The following STKLD1 variants were observed in gnomAD, a reference collection of about 807,000 sequenced individuals.
STKLD1 encodes serine/threonine kinase-like domain-containing protein STKLD1.
Under a neutral mutation model 80.4 loss-of-function variants are expected in STKLD1, and 79 were observed. The observed-to-expected ratio is 0.98, with a 90% CI of 0.82 to 1.19. The LOEUF (loss-of-function observed/expected upper bound fraction) is 1.19. Among genes scored for constraint, STKLD1 ranks in the 50% most tolerant of loss-of-function variants. STKLD1 has a pLI of 0.00. For synonymous variants in STKLD1, 393 were observed against 357.6 expected (o/e 1.10, Z -1.12); for missense variants, 841 against 856.0 (o/e 0.98, Z 0.22).
At chr9:133,381,702 G>T (rs2130266884) in intron 2 of STKLD1, among the ~76,000 whole-genome samples, 5 of 152,064 alleles carry the variant, frequency 3.3e-5, no homozygotes, top group African/African-American at 4.8e-5. Flanking sequence ...CGCCTGCCTC[G>T]GCCTCCCTAA....
At chr9:133,376,931 T>A (rs1400911546) in intron 1 of STKLD1, among the ~76,000 whole-genome samples, 1 of 152,162 alleles carries the variant, frequency 6.6e-6, no homozygotes, top group African/African-American at 2.4e-5. Context: ...CCCTGCAGCG[T>A]GGGTCTGTGA....
In STKLD1 at chr9:133,400,459, G is replaced by T. The variant is rs781905200; in HGVS notation, c.1128G>T (p.Met376Ile). The T allele has an allele frequency of 6.2e-6, 10 of 1,613,454 alleles. No homozygotes were observed. Among genetic ancestry groups the T allele is most frequent in the East Asian group, 2.2e-5 (1 of 44,884 alleles). ...PELVEVVVTT[M>I]ELHDRVLDVQ... ...TGGTGGAGGTGGTGGTCACGACCAT[G>T]GAGCTACATGACAGGGTCCTCGATG... is the stretch of plus-strand genomic sequence containing the variant. Residue 376 changes from methionine to isoleucine, a missense_variant, in exon 12 of 18, where the codon ATG becomes ATT. Transcript: ENST00000371957.
rs932715380 is a variant in STKLD1 at position 133,390,043 on chromosome 9, A to G, written c.467+447A>G. On this transcript the variant is annotated intron_variant, in intron 6 of 17. Coordinates refer to ENST00000371957, the MANE Select transcript of STKLD1 (RefSeq NM_153710.5). The surrounding 1 kb of genome is among the most constrained non-coding windows in gnomAD (Gnocchi z 5.1). The stretch of plus-strand genomic sequence containing the variant: ...ACCAATATCTTATTTAAAGAGGAAG[A>G]GGGAAACTATGCAGCTGGGCGTGGT... 1.3e-5 allele frequency among the ~76,000 whole-genome samples: 2 copies of G among 152,130 alleles called. No individual in the cohort carries two copies. The highest frequency in any genetic ancestry group is 4.8e-5 in the African/African-American group (2 of 41,414).
At chr9:133,381,673 C>T (rs1469476360) in intron 2 of STKLD1, among the ~76,000 whole-genome samples, 2 of 152,026 alleles carry the variant, frequency 1.3e-5, no homozygotes, top group African/African-American at 4.8e-5. Context: ...TGGTCTCGAA[C>T]TCCCAACCTC....
At chr9:133,404,444 C>T (rs888922208) in intron 16 of STKLD1, among the ~76,000 whole-genome samples, 6 of 152,210 alleles carry the variant, frequency 3.9e-5, no homozygotes, top group Non-Finnish European at 7.3e-5. Context: ...AACCGACGCT[C>T]GGCCCACAGC....
intron 4 of STKLD1, among the ~76,000 whole-genome samples, chr9:133,386,519 C>T (rs963609739): frequency 6.6e-6 from 1 of 152,250 alleles, no homozygotes; most frequent in African/African-American, 2.4e-5. Context: ...TGACCAGCAC[C>T]ACATCCGTCA....
rs2130276223 is a variant in STKLD1 at position 133,385,957 on chromosome 9, C to A, written c.294+266C>A. 1.3e-5 allele frequency among the ~76,000 whole-genome samples: 2 copies of A among 151,490 alleles called. No homozygotes were observed. The highest frequency in any genetic ancestry group is 2.1e-4 in the South Asian group (1 of 4,806). On this transcript the variant is annotated intron_variant, in intron 4 of 17. Coordinates refer to ENST00000371957, the MANE Select transcript of STKLD1 (RefSeq NM_153710.5). This position sits in a 1 kb window ranked among gnomAD's most constrained non-coding sequence, Gnocchi z 4.9. ...TTTTTGGACAAAGTCTCGCTCTTGT[C>A]CCCCAGGCTGGAGTGTAATGGTGTG... is the stretch of plus-strand genomic sequence containing the variant.
intron 11 of STKLD1, among the ~76,000 whole-genome samples, chr9:133,398,928 C>T (rs1216225740): frequency 6.6e-6 from 1 of 152,190 alleles, no homozygotes; most frequent in Non-Finnish European, 1.5e-5. Context: ...TCTTGGCTCA[C>T]TGCAACCTCC....
intron 2 of STKLD1, among the ~76,000 whole-genome samples, 179 bp from the exon 3 acceptor site, chr9:133,383,674 ATGG>A (rs1184820891): frequency 1.3e-5 from 2 of 151,014 alleles, no homozygotes; most frequent in African/African-American, 4.9e-5. Flanking sequence ...GATGATGGTG[ATGG>A]TGATGATGGT....
At chr9:133,405,210 A>C in intron 17 of STKLD1, 42 bp from the exon 18 acceptor site, 9 of 1,553,084 alleles carry the variant, frequency 5.8e-6, no homozygotes, top group Non-Finnish European at 7.0e-6. Flanking sequence ...CAAGGGGCAC[A>C]GGAAGGACTC....
In STKLD1 at chr9:133,387,445, A is replaced by G; in HGVS notation, c.295-2A>G. On this transcript the variant is annotated splice_acceptor_variant, in intron 4 of 17. Coordinates refer to ENST00000371957, the MANE Select transcript of STKLD1 (RefSeq NM_153710.5). LOFTEE classifies it high-confidence loss of function. ...TTGGCTAAGGGCCTCCTGTCCCAGC[A>G]GATCTCTTCTCTGTACCTCTGCCTG... 1 of 1,613,600 alleles carries G rather than the reference A, an allele frequency of 6.2e-7. No homozygotes were observed. The highest frequency in any genetic ancestry group is 1.7e-5 in the Admixed American group (1 of 60,014).
intron 2 of STKLD1, among the ~76,000 whole-genome samples, chr9:133,380,566 T>C (rs1290277226): frequency 6.6e-6 from 1 of 152,202 alleles, no homozygotes; most frequent in East Asian, 2.0e-4. Flanking sequence ...CGCGGGAGAA[T>C]TGCTTGAACC....
At chr9:133,380,584 C>T (rs187431132) in intron 2 of STKLD1, among the ~76,000 whole-genome samples, 4 of 152,104 alleles carry the variant, frequency 2.6e-5, no homozygotes, top group Admixed American at 1.3e-4. Context: ...ACCCGGGCGG[C>T]GGAGGTTGCA....
rs1838339541 is a variant in STKLD1, at chr9:133,389,651, A to G, written c.467+55A>G. The G allele has an allele frequency of 2.5e-6, 4 of 1,606,700 alleles. No homozygotes were observed. The highest frequency in any genetic ancestry group is 3.4e-6 in the Non-Finnish European group (4 of 1,176,208). ...GGCTGGCTGCTTCGGGAGAAAAGGC[A>G]CTGAGGCCACTCGGGTGCCAGTGCC... On this transcript the variant is annotated intron_variant, in intron 6 of 17. Coordinates refer to ENST00000371957, the MANE Select transcript of STKLD1 (RefSeq NM_153710.5). This position sits in a 1 kb window ranked among gnomAD's most constrained non-coding sequence, Gnocchi z 6.4.
In STKLD1 at chr9:133,397,961, T is replaced by C; in HGVS notation, c.998-11T>C. On this transcript the variant is annotated splice_polypyrimidine_tract_variant and intron_variant, in intron 10 of 17. Coordinates refer to ENST00000371957, the MANE Select transcript of STKLD1 (RefSeq NM_153710.5). ...CAGAAAGGTCCCTCCCCTGCCTTCC[T>C]GTCCCTGCAGAGGTCATGCAGAAAT... 2 of 1,609,702 alleles carry C rather than the reference T, an allele frequency of 1.2e-6. No homozygotes were observed. The highest frequency in any genetic ancestry group is 8.5e-7 in the Non-Finnish European group (1 of 1,177,090).
chr9:133,394,258 G>A lies in STKLD1; in HGVS notation c.584-33G>A, dbSNP rs115216003. 94 of 1,463,678 alleles carry A rather than the reference G, an allele frequency of 6.4e-5. No individual in the cohort carries two copies. In the African/African-American group the frequency reaches 1.1e-3, roughly 17 times the overall value. The allele number at this position is 1,463,678 out of a possible 1,614,324, so 90.7% of individuals were successfully genotyped here. A position where few individuals can be genotyped will look rare whatever the true frequency, so the allele number is the denominator to read the frequency against. On this transcript the variant is annotated intron_variant, in intron 7 of 17. Coordinates refer to ENST00000371957, the MANE Select transcript of STKLD1 (RefSeq NM_153710.5). The surrounding 1 kb of genome is among the most constrained non-coding windows in gnomAD (Gnocchi z 4.9). The stretch of plus-strand genomic sequence containing the variant: ...AAGCCCCTGCCCCCAGGGAGCAAAG[G>A]ACTCAGGGATCCCACCTTGCTTTTA...
chr9:133,392,920 GTGGA>G (rs1201207028), intron 7 of STKLD1, among the ~76,000 whole-genome samples: 157 of 121,272 alleles, frequency 1.3e-3, no homozygotes, highest in Non-Finnish European at 2.0e-3. Flanking sequence ...GGGTGGGTCA[GTGGA>G]TGGATGGATG....
At chr9:133,383,484 ATGG>A (rs1838198425) in intron 2 of STKLD1, among the ~76,000 whole-genome samples, 1 of 66,034 alleles carries the variant, frequency 1.5e-5, no homozygotes, top group Non-Finnish European at 3.6e-5. Flanking sequence ...TGGTGGTGTG[ATGG>A]TGATGATGGT....
intron 7 of STKLD1, chr9:133,393,986 A>G (rs1464518284): frequency 3.0e-6 from 1 of 337,558 alleles, no homozygotes; most frequent in Non-Finnish European, 5.4e-6. Flanking sequence ...GCCTCTTCCA[A>G]CTCCTTCTAC....
Sources: gnomAD v4.1 joint callset for allele counts (sites outside exome capture counted in the v4.1 genomes callset) on GRCh38, gnomAD v4.1.1 for gene constraint, Gnocchi (gnomAD v3.1) non-coding constraint, MANE v1.5 for transcripts, NCBI Gene and HGNC (gene_info 2026-07-23, HGNC 2026-07-21) for gene names.